Variants in CCDC144A observed in about 807,000 individuals in gnomAD.
The protein encoded by CCDC144A is coiled-coil domain containing 144A.
A neutral mutation model predicts 143.8 loss-of-function variants in CCDC144A; 41 were observed. The observed-to-expected ratio is 0.29, with a 90% CI of 0.22 to 0.37. The LOEUF (loss-of-function observed/expected upper bound fraction) is 0.37. Among genes scored for constraint, CCDC144A ranks in the 10% least tolerant of loss-of-function variants. The pLI is 1.00. For missense variants in CCDC144A, 637 were observed against 1,488.8 expected (o/e 0.43, Z 9.41); for synonymous variants, 242 against 517.9 (o/e 0.47, Z 7.23).
At chr17:16,696,402 AG>A (rs1423336188) in intron 2 of CCDC144A, among the ~76,000 whole-genome samples, 1 of 151,018 alleles carries the variant, frequency 6.6e-6, no homozygotes, top group Non-Finnish European at 1.5e-5. Context: ...GAGGCCAAGG[AG>A]GGCAGATCAC....
chr17:16,682,929 T>G, the CCDC144A span, among the ~76,000 whole-genome samples: 1 of 119,788 alleles, frequency 8.3e-6, no homozygotes, highest in South Asian at 3.1e-4. Context: ...TGAGACAGAG[T>G]CTTGCTCTGT....
At chr17:16,700,124 T>C (rs1455131788) in intron 2 of CCDC144A, among the ~76,000 whole-genome samples, 1 of 152,144 alleles carries the variant, frequency 6.6e-6, no homozygotes, top group Non-Finnish European at 1.5e-5. Context: ...GGCTTTGATT[T>C]ATTACATTTA....
chr17:16,668,629 G>T, the CCDC144A span, among the ~76,000 whole-genome samples: 1 of 151,944 alleles, frequency 6.6e-6, no homozygotes, highest in African/African-American at 2.4e-5. Flanking sequence ...AGGATATAAT[G>T]GTCCCAGATT....
intron 5 of CCDC144A, 54 bp from the exon 6 acceptor site, chr17:16,711,625 T>C: frequency 1.2e-6 from 2 of 1,608,804 alleles, no homozygotes; most frequent in Non-Finnish European, 1.7e-6. Flanking sequence ...AAAAAAGTTC[T>C]TTGTATTGAA....
rs1388824898 is a variant in CCDC144A at position 16,776,340 on chromosome 17, A to T, written c.*2707A>T. ...ATTGAACCTTCCTGTCTGTGAGCAT[A>T]TGTTTTTCCATTTGTTTGTGTCATC... On this transcript the variant is annotated 3_prime_UTR_variant, in exon 17 of 17. Coordinates refer to ENST00000399273, the MANE Select transcript of CCDC144A (RefSeq NM_001382000.1). The T allele has an allele frequency of 1.3e-5, 2 of 151,980 alleles. No individual in the cohort carries two copies. The highest frequency in any genetic ancestry group is 2.9e-5 in the Non-Finnish European group (2 of 67,980). The allele number at this position is 151,980 out of a possible 1,614,324, so 9.4% of individuals were successfully genotyped here.
upstream of CCDC144A, chr17:16,690,227 T>C (rs1466057336): frequency 2.0e-6 from 1 of 495,934 alleles, no homozygotes; most frequent in Middle Eastern, 5.1e-4. Context: ...ACGGATTGGC[T>C]TGGCCTTACC....
chr17:16,678,528 G>C, the CCDC144A span, among the ~76,000 whole-genome samples: 1 of 151,960 alleles, frequency 6.6e-6, no homozygotes, highest in East Asian at 1.9e-4. Context: ...TCAGATAAGG[G>C]GGAAACAGAA....
intron 15 of CCDC144A, among the ~76,000 whole-genome samples, chr17:16,771,502 C>T: frequency 6.6e-6 from 1 of 152,238 alleles, no homozygotes; most frequent in Non-Finnish European, 1.5e-5. Context: ...ATTAAAGATT[C>T]TGTGCTGAAT....
At chr17:16,724,244 A>G (rs1913255087) in intron 8 of CCDC144A, among the ~76,000 whole-genome samples, 1 of 152,134 alleles carries the variant, frequency 6.6e-6, no homozygotes, top group Non-Finnish European at 1.5e-5. Context: ...TCTTTCATTA[A>G]GATTGATTGC....
intron 2 of CCDC144A, among the ~76,000 whole-genome samples, chr17:16,699,712 GA>G (rs1200195298): frequency 6.7e-6 from 1 of 148,282 alleles, no homozygotes; most frequent in Non-Finnish European, 1.5e-5. Context: ...CCTAGTGGGA[GA>G]AAATTGACTG....
intron 15 of CCDC144A, chr17:16,765,925 C>A (rs924796732): frequency 1.9e-4 from 29 of 152,214 alleles, no homozygotes; most frequent in African/African-American, 6.8e-4. Flanking sequence ...CTATGAACCC[C>A]CAAAATTTGA....
At chr17:16,754,690 T>C (rs1914990522) in intron 12 of CCDC144A, among the ~76,000 whole-genome samples, 1 of 152,374 alleles carries the variant, frequency 6.6e-6, no homozygotes, top group African/African-American at 2.4e-5. Context: ...ATGAGAAGAA[T>C]GTGTATTCTG....
At chr17:16,693,582 T>C (rs1018804471) in intron 2 of CCDC144A, among the ~76,000 whole-genome samples, 2 of 152,248 alleles carry the variant, frequency 1.3e-5, no homozygotes, top group Non-Finnish European at 2.9e-5. Flanking sequence ...CCCAAAGTGC[T>C]GGGATTACAG....
chr17:16,754,879 G>A (rs1195933920), intron 12 of CCDC144A, among the ~76,000 whole-genome samples: 1 of 152,152 alleles, frequency 6.6e-6, no homozygotes, highest in Non-Finnish European at 1.5e-5. Context: ...TAGTTTCAGT[G>A]ATGTTTGCCT....
At chr17:16,703,103 T>TG (rs1750870049) in intron 2 of CCDC144A, among the ~76,000 whole-genome samples, 1 of 152,218 alleles carries the variant, frequency 6.6e-6, no homozygotes, top group African/African-American at 2.4e-5. Context: ...CTTTTTGGCC[T>TG]GGGGTTCGTT....
In CCDC144A at chr17:16,709,304, G is replaced by A. The variant is rs774156093; in HGVS notation, c.1247G>A (p.Ser416Asn). The A allele has an allele frequency of 8.2e-5, 132 of 1,611,596 alleles. No homozygotes were observed. The African/African-American group carries it at 1.6e-3, about 20-fold the overall frequency. The change falls in exon 5 of 17, where the codon AGT (serine) becomes AAT (asparagine). Residue 416 changes from serine (S) to asparagine (N), a missense_variant. Physicochemically the swap from Ser to Asn is conservative, Grantham distance 46. Transcript: ENST00000399273. ...AAACCAGGCATTGGACATATTTTTA[G>A]TACAGATAAGAACTTTCATAATGAT... is the stretch of plus-strand genomic sequence containing the variant. ...DNKPGIGHIF[S>N]TDKNFHNDAS...
At chr17:16,751,231 G>C (rs1205465799) in intron 12 of CCDC144A, among the ~76,000 whole-genome samples, 1 of 151,682 alleles carries the variant, frequency 6.6e-6, no homozygotes, top group Non-Finnish European at 1.5e-5. Context: ...TTTCTCTTGA[G>C]GGTTTGTGGT....
intron 8 of CCDC144A, among the ~76,000 whole-genome samples, chr17:16,723,773 A>T (rs1597559064): frequency 6.6e-6 from 1 of 152,216 alleles, no homozygotes; most frequent in African/African-American, 2.4e-5. Flanking sequence ...TCACCTTCTG[A>T]TAACATCACC....
chr17:16,721,398 C>T (rs28422854), intron 8 of CCDC144A, among the ~76,000 whole-genome samples: 8,529 of 151,448 alleles, frequency 0.056, 372 homozygotes, highest in East Asian at 0.17. Context: ...CAGAGGTATA[C>T]GACATTTCTT....
Sources: allele counts gnomAD v4.1 joint callset (sites outside exome capture counted in the v4.1 genomes callset), GRCh38; gene constraint gnomAD v4.1.1; transcripts MANE v1.5; gene names NCBI Gene and HGNC (gene_info 2026-07-23, HGNC 2026-07-21).